SLC25A48: variants seen among roughly 807,000 people sequenced by gnomAD.
SLC25A48 encodes CTC-321K16.1.
SLC25A48 carries 29 observed loss-of-function variants against 32.2 expected under a neutral mutation model. That is an observed-to-expected ratio of 0.90 (90% CI 0.67 to 1.23). The LOEUF (loss-of-function observed/expected upper bound fraction) is 1.23, where lower values mean the gene tolerates loss of function less well. SLC25A48 is among the 50% of genes most tolerant of loss of function. The pLI is 0.00. For synonymous variants in SLC25A48, 164 were observed against 172.3 expected, an observed-to-expected ratio of 0.95 and a Z score of 0.38; for missense variants, 399 against 422.7, an observed-to-expected ratio of 0.94 and a Z score of 0.49.
chr5:135,819,429 A>T (rs1245667090), intron 4 of SLC25A48, among the ~76,000 whole-genome samples: 1 of 152,248 alleles, frequency 6.6e-6, no homozygotes, highest in Non-Finnish European at 1.5e-5. Context: ...TCAACAAAAC[A>T]GGAACAAACT....
At chr5:135,589,586 T>C (rs1751459517) in intron 1 of SLC25A48, among the ~76,000 whole-genome samples, 1 of 152,274 alleles carries the variant, frequency 6.6e-6, no homozygotes, top group Non-Finnish European at 1.5e-5. Context: ...ATTTTCAGTG[T>C]ATTTGGTGGT....
chr5:135,825,012 T>C (rs1757995402), intron 4 of SLC25A48: 1 of 152,204 alleles, frequency 6.6e-6, no homozygotes, highest in Non-Finnish European at 1.5e-5. Flanking sequence ...AAGCCCAGCT[T>C]GACCACCTGC....
chr5:135,736,091 G>A (rs201328871), intron 3 of SLC25A48, among the ~76,000 whole-genome samples: 41 of 152,166 alleles, frequency 2.7e-4, no homozygotes, highest in African/African-American at 9.6e-4. Context: ...GGAGAGGTCG[G>A]ATGATCTGTA....
chr5:135,761,874 G>A (rs1035690894), intron 3 of SLC25A48, among the ~76,000 whole-genome samples: 2 of 152,126 alleles, frequency 1.3e-5, no homozygotes, highest in Admixed American at 1.3e-4. Context: ...GATGCTCCAG[G>A]CCAAGGTTGA....
intron 3 of SLC25A48, among the ~76,000 whole-genome samples, chr5:135,661,059 G>A (rs1380329185): frequency 6.6e-6 from 1 of 152,214 alleles, no homozygotes; most frequent in Non-Finnish European, 1.5e-5. Context: ...TGAGAATGAG[G>A]CAGACAGCCC....
Position 135,767,544 on chromosome 5 carries a change from G to A in SLC25A48, c.-520-44979G>A, listed in dbSNP as rs1020875027. Among the ~76,000 whole-genome samples, 41 of 151,800 alleles carry A rather than the reference G, an allele frequency of 2.7e-4. 1 individual carries two copies. Among genetic ancestry groups the A allele is most frequent in the Admixed American group, 2.7e-3 (41 of 15,212 alleles). On this transcript the variant is annotated intron_variant, in intron 3 of 10. Coordinates refer to the SLC25A48 transcript ENST00000646290. Reference sequence around the variant, plus strand: ...TTACTTTCAATATCGTAAACACTCTGTGTACACCCTCTGTGATATTTTTTG... The same window carrying A: ...TTACTTTCAATATCGTAAACACTCTATGTACACCCTCTGTGATATTTTTTG...
intron 1 of SLC25A48, among the ~76,000 whole-genome samples, chr5:135,598,696 GACAC>G (rs199799812): frequency 1.3e-5 from 2 of 152,198 alleles, no homozygotes; most frequent in East Asian, 1.9e-4. Flanking sequence ...CATAAAGAGG[GACAC>G]ACACACATGT....
intron 4 of SLC25A48, among the ~76,000 whole-genome samples, chr5:135,862,235 C>T (rs1324455807): frequency 3.9e-5 from 6 of 152,236 alleles, no homozygotes; most frequent in Non-Finnish European, 7.3e-5. Flanking sequence ...AAGTTCATGG[C>T]TAATGACACT....
rs1203263357 is a variant in SLC25A48, at chr5:135,852,717, T to G, written c.317T>G (p.Leu106Arg). 1 of 1,614,152 alleles carries G rather than the reference T, an allele frequency of 6.2e-7. No homozygotes were observed. ...EASPPRTLSDLLLASMVAGVV... is the reference protein window; with the variant it reads ...EASPPRTLSDRLLASMVAGVV... ...AGTCCTCCCCGCACGCTGTCAGACCTGCTCCTGGCCAGCATGGTGGCCGGC... is the reference window on the plus strand; with the variant it reads ...AGTCCTCCCCGCACGCTGTCAGACCGGCTCCTGGCCAGCATGGTGGCCGGC... Residue 106 changes from leucine to arginine, a missense_variant, in exon 4 of 8, where the codon CTG (leucine) becomes CGG (arginine). Transcript: ENST00000681962.
intron 7 of SLC25A48, chr5:135,883,537 T>G: frequency 9.9e-6 from 9 of 906,020 alleles, no homozygotes; most frequent in Non-Finnish European, 1.2e-5. Flanking sequence ...TTCAGGCCTC[T>G]GTGGGTGTTG....
chr5:135,727,852 C>T (rs1215250285), intron 3 of SLC25A48, among the ~76,000 whole-genome samples: 1 of 152,116 alleles, frequency 6.6e-6, no homozygotes, highest in African/African-American at 2.4e-5. Context: ...TTTATTTTAG[C>T]AATTCCAGTT....
chr5:135,660,903 G>A (rs1357270227), intron 3 of SLC25A48, among the ~76,000 whole-genome samples: 5 of 152,188 alleles, frequency 3.3e-5, no homozygotes, highest in Admixed American at 6.5e-5. Context: ...CCAGGCCAGA[G>A]TAAGCACTCA....
chr5:135,867,595 T>A (rs1049216464), intron 4 of SLC25A48, among the ~76,000 whole-genome samples: 23 of 152,150 alleles, frequency 1.5e-4, no homozygotes, highest in Admixed American at 1.2e-3. Flanking sequence ...AGAAGAAGGC[T>A]CTTCTGTTTA....
chr5:135,670,721 G>A (rs1753635588), intron 3 of SLC25A48, among the ~76,000 whole-genome samples: 1 of 152,172 alleles, frequency 6.6e-6, no homozygotes, highest in Admixed American at 6.5e-5. Flanking sequence ...CTGGGAGGAA[G>A]CATTCAACGT....
chr5:135,647,285 C>T (rs537698297), intron 3 of SLC25A48, among the ~76,000 whole-genome samples: 1 of 152,220 alleles, frequency 6.6e-6, no homozygotes, highest in East Asian at 1.9e-4. Flanking sequence ...CTACTAGTGT[C>T]CTGTTCTGTT....
chr5:135,583,710 G>A (rs1407138143), intron 1 of SLC25A48, among the ~76,000 whole-genome samples: 1 of 152,068 alleles, frequency 6.6e-6, no homozygotes. Context: ...CCAGTAACCT[G>A]TCTGGCCCCA....
chr5:135,682,541 C>T (rs867764189), intron 3 of SLC25A48, among the ~76,000 whole-genome samples: 4 of 152,266 alleles, frequency 2.6e-5, no homozygotes, highest in Non-Finnish European at 4.4e-5. Context: ...ACATATGTGC[C>T]TTTCCTTGAA....
At chr5:135,846,494 G>A (rs1220093380) in intron 2 of SLC25A48, among the ~76,000 whole-genome samples, 1 of 152,196 alleles carries the variant, frequency 6.6e-6, no homozygotes, top group Non-Finnish European at 1.5e-5. Context: ...CCAGGTCAGG[G>A]GCAGGCCAGG....
chr5:135,775,874 C>T (rs11750503), intron 3 of SLC25A48, among the ~76,000 whole-genome samples: 60,930 of 150,932 alleles, frequency 0.4, 14,159 homozygotes, highest in Non-Finnish European at 0.52. Context: ...TTCTATTAAC[C>T]GGGGAGGGGG....
Sources: gnomAD v4.1 joint callset for allele counts (sites outside exome capture counted in the v4.1 genomes callset) on GRCh38, gnomAD v4.1.1 for gene constraint, MANE v1.5 for transcripts, NCBI Gene and HGNC (gene_info 2026-07-23, HGNC 2026-07-21) for gene names.